Variants in DNAH9 observed in about 807,000 individuals in gnomAD.
The protein encoded by DNAH9 is DNAH9 variant protein.
A neutral mutation model predicts 471.6 loss-of-function variants in DNAH9; 345 were observed. That is an observed-to-expected ratio of 0.73 (90% CI 0.67 to 0.80). The LOEUF is 0.80. Ranked by LOEUF, DNAH9 falls within the 30% of genes least tolerant of loss-of-function variation. The pLI is 0.00. For synonymous variants in DNAH9, 2,093 were observed against 2,123.6 expected (o/e 0.99, Z 0.40); for missense variants, 5,407 against 5,609.2 (o/e 0.96, Z 1.15).
At chr17:11,654,355 CAAAAAAAAA>C (rs527835262) in intron 14 of DNAH9, among the ~76,000 whole-genome samples, 6,181 of 11,342 alleles carry the variant, frequency 0.54, 1,859 homozygotes, top group South Asian at 0.68. Context: ...GACTCCGTCT[CAAAAAAAAA>C]AAAAAAAAAA....
intron 12 of DNAH9, among the ~76,000 whole-genome samples, chr17:11,648,399 CAATATTG>C (rs1347770457): frequency 6.6e-6 from 1 of 152,126 alleles, no homozygotes; most frequent in East Asian, 1.9e-4. Flanking sequence ...TCACTGTGAG[CAATATTG>C]AATATTAAAT....
intron 43 of DNAH9, among the ~76,000 whole-genome samples, chr17:11,803,168 C>T (rs950639205): frequency 6.6e-6 from 1 of 152,228 alleles, no homozygotes; most frequent in East Asian, 1.9e-4. Flanking sequence ...ACCACTTCAG[C>T]AGATTCTTGT....
intron 41 of DNAH9, among the ~76,000 whole-genome samples, chr17:11,791,964 GT>G (rs764623379): frequency 3.2e-4 from 48 of 152,102 alleles, no homozygotes; most frequent in Non-Finnish European, 2.6e-4. Flanking sequence ...TGGAATCTAG[GT>G]TTTATGGGAA....
chr17:11,825,209 C>A (rs1241207871), intron 48 of DNAH9, among the ~76,000 whole-genome samples: 1 of 151,808 alleles, frequency 6.6e-6, no homozygotes, highest in Non-Finnish European at 1.5e-5. Context: ...TTCTCCTGAT[C>A]ACTTTCTGTT....
At chr17:11,765,640 G>A (rs181312878) in intron 36 of DNAH9, among the ~76,000 whole-genome samples, 28 of 152,248 alleles carry the variant, frequency 1.8e-4, no homozygotes, top group Non-Finnish European at 1.5e-5. Context: ...AAGGACAGGA[G>A]GATACATGAG....
chr17:11,766,525 T>C (rs1402310534), intron 36 of DNAH9, among the ~76,000 whole-genome samples: 2 of 152,164 alleles, frequency 1.3e-5, no homozygotes, highest in Non-Finnish European at 2.9e-5. Context: ...TAACACTGGG[T>C]TCCCAGCTCT....
At chr17:11,653,148 C>A in intron 14 of DNAH9, 146 bp downstream of exon 14, 1 of 853,298 alleles carries the variant, frequency 1.2e-6, no homozygotes, top group Non-Finnish European at 1.8e-6. Flanking sequence ...TAGCAAAAGA[C>A]TAAAGCTGAT....
chr17:11,881,719 C>T (rs1025508209), intron 55 of DNAH9, among the ~76,000 whole-genome samples: 6 of 151,946 alleles, frequency 3.9e-5, no homozygotes, highest in African/African-American at 9.7e-5. Context: ...CCAGCCTGGC[C>T]AACATGGTGA....
chr17:11,718,369 A>AGATATTTGGGT (rs1274739060), intron 26 of DNAH9, among the ~76,000 whole-genome samples: 5 of 152,254 alleles, frequency 3.3e-5, no homozygotes, highest in Admixed American at 3.3e-4. Context: ...TTTTGCTGTT[A>AGATATTTGGGT]TGAATACTGT....
At chr17:11,923,992 C>T in intron 62 of DNAH9, 51 bp downstream of exon 62, 1 of 1,592,254 alleles carries the variant, frequency 6.3e-7, no homozygotes. Context: ...CTTGCCTCAT[C>T]CCACACTCAC....
intron 51 of DNAH9, among the ~76,000 whole-genome samples, chr17:11,869,564 G>A (rs779353046): frequency 1.3e-5 from 2 of 152,136 alleles, no homozygotes; most frequent in African/African-American, 2.4e-5. Flanking sequence ...GACAAAGCCA[G>A]CATTTTATAG....
At chr17:11,808,004 A>T in intron 44 of DNAH9, 110 bp downstream of exon 44, 1 of 1,225,614 alleles carries the variant, frequency 8.2e-7, no homozygotes, top group Non-Finnish European at 1.1e-6. Flanking sequence ...CTCCCCTTCA[A>T]TGTCTGTCCA....
chr17:11,953,571 G>A (rs991741522), intron 67 of DNAH9, among the ~76,000 whole-genome samples: 5 of 152,086 alleles, frequency 3.3e-5, no homozygotes, highest in Admixed American at 6.5e-5. Context: ...CAGCACTTTG[G>A]GAGGCTGAGG....
rs1973069917 is a variant in DNAH9 at position 11,892,054 on chromosome 17, A to G, written c.11283+107A>G. 1 of 1,321,084 alleles carries G rather than the reference A, an allele frequency of 7.6e-7. No homozygotes were observed. The highest frequency in any genetic ancestry group is 1.1e-6 in the Non-Finnish European group (1 of 944,410). 81.8% of individuals were successfully genotyped at this position (1,321,084 alleles called of 1,614,324 possible). A position where few individuals can be genotyped will look rare whatever the true frequency, so the allele number is the denominator to read the frequency against. ...GAACATCACTTTCCACAGCATGTCCAGACTATCTGTCTTTGGATAGAGGCA... is the reference window on the plus strand; with the variant it reads ...GAACATCACTTTCCACAGCATGTCCGGACTATCTGTCTTTGGATAGAGGCA... On this transcript the variant is annotated intron_variant, in intron 58 of 68. Transcript: ENST00000262442. This position sits in a 1 kb window ranked among gnomAD's most constrained non-coding sequence, Gnocchi z 4.3.
chr17:11,852,814 G>GTATGTA (rs1971472010), intron 49 of DNAH9, among the ~76,000 whole-genome samples: 1 of 92,680 alleles, frequency 1.1e-5, no homozygotes, highest in African/African-American at 3.9e-5. Flanking sequence ...GTGTGTGTGT[G>GTATGTA]TATATATATA....
intron 28 of DNAH9, among the ~76,000 whole-genome samples, chr17:11,730,057 G>T (rs1254040534): frequency 6.6e-6 from 1 of 152,224 alleles, no homozygotes; most frequent in Non-Finnish European, 1.5e-5. Context: ...GTTCCTTGAT[G>T]AAGCTCTGAA....
In DNAH9 at chr17:11,694,600, A is replaced by AGCTTTCTTGCTTTCTT. The variant is rs764975180; in HGVS notation, c.4872+185_4872+200dup. 2.7e-5 allele frequency among the ~76,000 whole-genome samples: 3 copies of AGCTTTCTTGCTTTCTT among 109,834 alleles called. 1 individual carries two copies. The highest frequency in any genetic ancestry group is 1.1e-4 in the African/African-American group (3 of 27,934). The allele number at this position is 109,834 out of a possible 152,430, so 72.1% of individuals were successfully genotyped here. On this transcript the variant is annotated intron_variant, in intron 22 of 68. Transcript: ENST00000262442. ...CCCCCAGCATCATCACATACCTCGG[A>AGCTTTCTTGCTTTCTT]GCTTTCTTGCTTTCTTGCTTTCTTG...
chr17:11,642,184 A>C (rs1238241058), intron 10 of DNAH9, among the ~76,000 whole-genome samples: 2 of 152,184 alleles, frequency 1.3e-5, no homozygotes, highest in Non-Finnish European at 2.9e-5. Flanking sequence ...TCTGGAAGGC[A>C]CACAACAGAG....
At chr17:11,789,189 A>G (rs1372064433) in intron 41 of DNAH9, among the ~76,000 whole-genome samples, 4 of 151,928 alleles carry the variant, frequency 2.6e-5, no homozygotes, top group African/African-American at 4.8e-5. Context: ...ATCTTTCTCT[A>G]ATATTCTAAG....
Sources: gnomAD v4.1 joint callset for allele counts (sites outside exome capture counted in the v4.1 genomes callset) on GRCh38, gnomAD v4.1.1 for gene constraint, Gnocchi (gnomAD v3.1) non-coding constraint, MANE v1.5 for transcripts, NCBI Gene and HGNC (gene_info 2026-07-23, HGNC 2026-07-21) for gene names.